Variants in NBAS observed in about 807,000 individuals in gnomAD.
NBAS encodes the protein NBAS subunit of NRZ tethering complex, also known as NAG/BC035112 fusion.
A neutral mutation model predicts 302.5 loss-of-function variants in NBAS; 219 were observed. That is an observed-to-expected ratio of 0.72 (90% CI 0.65 to 0.81). The LOEUF (loss-of-function observed/expected upper bound fraction) is 0.81. Among genes scored for constraint, NBAS ranks in the 30% least tolerant of loss-of-function variants. NBAS has a pLI of 0.00. For missense variants in NBAS, 2,932 were observed against 2,841.6 expected (o/e 1.03, Z -0.72); for synonymous variants, 1,118 against 1,021.6 (o/e 1.09, Z -1.80).
the NBAS span, among the ~76,000 whole-genome samples, chr2:14,963,199 C>T: frequency 2.6e-5 from 4 of 151,962 alleles, no homozygotes; most frequent in African/African-American, 7.3e-5. Flanking sequence ...ACCTGGGAGG[C>T]GGAGGTTGCA....
At position 15,177,583 on chromosome 2, in the gene NBAS, C is replaced by T. The variant is rs187249292; in HGVS notation, c.6840+1405G>A. On this transcript the variant is annotated intron_variant, in intron 51 of 51. Transcript: ENST00000281513. ...CATCACTGTTTTATTCTCAAAGAGG[C>T]CCATGGCAAATTTTTGTGAGAATGC... Among the ~76,000 whole-genome samples, 154 of 152,168 alleles carry T rather than the reference C, an allele frequency of 1.0e-3. 2 individuals are homozygous for T. The highest frequency in any genetic ancestry group is 8.7e-3 in the East Asian group (45 of 5,186).
the NBAS span, among the ~76,000 whole-genome samples, chr2:14,848,273 A>G: frequency 6.7e-6 from 1 of 149,094 alleles, no homozygotes; most frequent in Non-Finnish European, 1.5e-5. Context: ...TGGGAAGCGC[A>G]AGGGGTCAGG....
At chr2:15,161,794 A>G in the NBAS span, among the ~76,000 whole-genome samples, 1 of 152,162 alleles carries the variant, frequency 6.6e-6, no homozygotes, top group Non-Finnish European at 1.5e-5. Flanking sequence ...CCAGAAAGTC[A>G]TAACCCTAAG....
chr2:15,334,654 A>G (rs1472328336), intron 35 of NBAS, among the ~76,000 whole-genome samples: 2 of 152,246 alleles, frequency 1.3e-5, no homozygotes, highest in Non-Finnish European at 2.9e-5. Flanking sequence ...AAATTCAGAA[A>G]AAGTATGCAA....
the NBAS span, among the ~76,000 whole-genome samples, chr2:14,931,625 C>T: frequency 6.6e-6 from 1 of 152,200 alleles, no homozygotes; most frequent in African/African-American, 2.4e-5. Context: ...ACACAAAGGA[C>T]ACTGCATAGC....
the NBAS span, among the ~76,000 whole-genome samples, chr2:15,087,141 C>T: frequency 6.6e-6 from 1 of 151,718 alleles, no homozygotes; most frequent in Non-Finnish European, 1.5e-5. Flanking sequence ...ACACCATCAG[C>T]TCTCCTAGGT....
chr2:14,900,124 T>TTTTTTTTTTC, the NBAS span, among the ~76,000 whole-genome samples: 1 of 151,962 alleles, frequency 6.6e-6, no homozygotes. Flanking sequence ...TTTTTTTTTT[T>TTTTTTTTTTC]TTGACTGGTT....
intron 51 of NBAS, among the ~76,000 whole-genome samples, chr2:15,171,816 C>T (rs114585327): frequency 0.013 from 2,001 of 152,272 alleles, 40 homozygotes; most frequent in African/African-American, 0.045. Flanking sequence ...GAAGACAGGA[C>T]ACGCACACAA....
At chr2:14,952,452 CA>C in the NBAS span, among the ~76,000 whole-genome samples, 1 of 152,172 alleles carries the variant, frequency 6.6e-6, no homozygotes, top group African/African-American at 2.4e-5. Flanking sequence ...AGGCCCTGTG[CA>C]AAGCAAGAAG....
chr2:14,987,739 C>A, the NBAS span, among the ~76,000 whole-genome samples: 1 of 152,000 alleles, frequency 6.6e-6, no homozygotes, highest in African/African-American at 2.4e-5. Context: ...AGCTATGCTA[C>A]CCATAATCTT....
At position 15,238,579 on chromosome 2, in the gene NBAS, A is replaced by G. The variant is rs769767287; in HGVS notation, c.5832T>C (p.Ala1944=). ...KRNSEDEAQE[A]KDSKVTYADT... Reference sequence around the variant, plus strand: ...CTGCATAGGTAACTTTAGAATCCTTAGCTTCTTGAGCTTCGTCTTCTGAGT... The same window carrying G: ...CTGCATAGGTAACTTTAGAATCCTTGGCTTCTTGAGCTTCGTCTTCTGAGT... The change falls in exon 45 of 52, where the codon GCT becomes GCC. Residue 1944 remains alanine (A), a synonymous_variant. Transcript: ENST00000281513. 6.2e-7 allele frequency: 1 copy of G among 1,613,908 alleles called. No homozygotes were observed. The highest frequency in any genetic ancestry group is 1.3e-5 in the African/African-American group (1 of 74,902).
At chr2:14,896,293 G>A in the NBAS span, among the ~76,000 whole-genome samples, 393 of 152,214 alleles carry the variant, frequency 2.6e-3, 3 homozygotes, top group Non-Finnish European at 4.6e-3. Flanking sequence ...GCTATGTAAT[G>A]TATTAATAAT....
chr2:15,100,433 T>G, the NBAS span, among the ~76,000 whole-genome samples: 1 of 152,166 alleles, frequency 6.6e-6, no homozygotes, highest in Non-Finnish European at 1.5e-5. Flanking sequence ...GCACATAGTA[T>G]CACAGAGTTC....
chr2:15,085,247 C>T, the NBAS span, among the ~76,000 whole-genome samples: 2 of 152,228 alleles, frequency 1.3e-5, no homozygotes, highest in South Asian at 2.1e-4. Context: ...CAAGTGAGAG[C>T]GGCACCCACT....
At chr2:15,169,628 C>A (rs1006067209) in intron 51 of NBAS, among the ~76,000 whole-genome samples, 1 of 152,146 alleles carries the variant, frequency 6.6e-6, no homozygotes, top group Non-Finnish European at 1.5e-5. Flanking sequence ...GCCTAGAAGC[C>A]CGTGTCTCGG....
At chr2:14,957,193 C>T in the NBAS span, among the ~76,000 whole-genome samples, 2 of 152,086 alleles carry the variant, frequency 1.3e-5, no homozygotes, top group Non-Finnish European at 2.9e-5. Flanking sequence ...TCTCCAGAAC[C>T]GACCAAAAGA....
At chr2:15,010,274 A>G in the NBAS span, among the ~76,000 whole-genome samples, 1 of 152,188 alleles carries the variant, frequency 6.6e-6, no homozygotes, top group Non-Finnish European at 1.5e-5. Context: ...ATGAAAGAAC[A>G]TATACATCTT....
chr2:15,261,959 T>C (rs1430808696), intron 44 of NBAS, among the ~76,000 whole-genome samples: 1 of 152,184 alleles, frequency 6.6e-6, no homozygotes, highest in African/African-American at 2.4e-5. Context: ...CTAGGTCTTA[T>C]CCTAACACTT....
chr2:15,060,923 G>T, the NBAS span, among the ~76,000 whole-genome samples: 2 of 152,136 alleles, frequency 1.3e-5, no homozygotes, highest in African/African-American at 2.4e-5. Flanking sequence ...AACATAGGTG[G>T]CTCAAAAGTA....
Sources: allele counts gnomAD v4.1 joint callset (sites outside exome capture counted in the v4.1 genomes callset), GRCh38; gene constraint gnomAD v4.1.1; transcripts MANE v1.5; gene names NCBI Gene and HGNC (gene_info 2026-07-23, HGNC 2026-07-21).